The following CNTNAP5 variants were observed in gnomAD, a reference collection of about 807,000 sequenced individuals.
The protein encoded by CNTNAP5 is contactin-associated protein-like 5.
In CNTNAP5, 72 loss-of-function variants were observed where a neutral mutation model predicts 150.2. The observed-to-expected ratio is 0.48, with a 90% confidence interval of 0.40 to 0.58. The LOEUF (loss-of-function observed/expected upper bound fraction) is 0.58, where lower values mean the gene tolerates loss of function less well. CNTNAP5 is among the 20% of genes least tolerant of loss of function. The probability of loss-of-function intolerance (pLI) is 0.00; values close to 1 mark genes in which losing one functional copy is unlikely to be tolerated. For synonymous variants in CNTNAP5, 672 were observed against 619.8 expected (o/e 1.08, Z -1.25); for missense variants, 1,636 against 1,626.2 (o/e 1.01, Z -0.10).
chr2:124,309,153 A>G (rs1226308764), intron 3 of CNTNAP5, among the ~76,000 whole-genome samples: 1 of 152,218 alleles, frequency 6.6e-6, no homozygotes, highest in East Asian at 1.9e-4. Flanking sequence ...TTATGACAAT[A>G]TACTGTAATA....
chr2:124,399,884 C>T (rs1371195637), intron 3 of CNTNAP5, among the ~76,000 whole-genome samples: 1 of 152,136 alleles, frequency 6.6e-6, no homozygotes, highest in Non-Finnish European at 1.5e-5. Context: ...TAGCCTGACA[C>T]TTAAGATTCC....
rs72972524 is a variant in CNTNAP5 at position 124,583,189 on chromosome 2, T to C, written c.1756+19866T>C. Reference sequence around the variant, plus strand: ...ACGACCTACACTCTTCCATTGCTGGTGCTACAGGAGACATCTCTAGGGAGA... The same window carrying C: ...ACGACCTACACTCTTCCATTGCTGGCGCTACAGGAGACATCTCTAGGGAGA... On this transcript the variant is annotated intron_variant, in intron 11 of 23. Coordinates refer to ENST00000682447, the MANE Select transcript of CNTNAP5 (RefSeq NM_001367498.1). 2.4e-3 allele frequency among the ~76,000 whole-genome samples: 371 copies of C among 152,324 alleles called. 1 individual carries two copies. The highest frequency in any genetic ancestry group is 8.5e-3 in the African/African-American group (354 of 41,570).
intron 13 of CNTNAP5, among the ~76,000 whole-genome samples, chr2:124,745,667 G>C (rs1231659433): frequency 6.6e-6 from 1 of 152,144 alleles, no homozygotes; most frequent in Non-Finnish European, 1.5e-5. Flanking sequence ...AGAACACACT[G>C]GTTAACAGAC....
intron 3 of CNTNAP5, among the ~76,000 whole-genome samples, chr2:124,267,827 G>C (rs192052954): frequency 6.6e-6 from 1 of 152,242 alleles, no homozygotes. Context: ...TTTTAAGAAG[G>C]GAAAGTTGAA....
chr2:124,874,991 C>T (rs1573679758), intron 21 of CNTNAP5, among the ~76,000 whole-genome samples: 1 of 152,018 alleles, frequency 6.6e-6, no homozygotes, highest in East Asian at 1.9e-4. Context: ...AGAATTTCTT[C>T]TCAAGATGCA....
intron 10 of CNTNAP5, among the ~76,000 whole-genome samples, chr2:124,530,944 AT>A (rs1340279193): frequency 1.3e-5 from 2 of 152,146 alleles, no homozygotes; most frequent in Non-Finnish European, 2.9e-5. Flanking sequence ...CCTTTTTGGC[AT>A]TCAGGGACTG....
At chr2:124,252,387 T>C (rs1044074898) in intron 3 of CNTNAP5, among the ~76,000 whole-genome samples, 36 of 152,252 alleles carry the variant, frequency 2.4e-4, no homozygotes, top group Non-Finnish European at 4.7e-4. Flanking sequence ...ATGCCAAAGC[T>C]GCAATGCTGG....
chr2:124,351,477 G>A (rs1482709792), intron 3 of CNTNAP5, among the ~76,000 whole-genome samples: 1 of 152,194 alleles, frequency 6.6e-6, no homozygotes, highest in African/African-American at 2.4e-5. Flanking sequence ...TTCATCTGTA[G>A]CCATGGACAA....
intron 1 of CNTNAP5, among the ~76,000 whole-genome samples, chr2:124,138,092 C>T (rs1392979922): frequency 5.9e-5 from 9 of 152,010 alleles, no homozygotes; most frequent in Non-Finnish European, 7.4e-5. Flanking sequence ...GATCCTTTAC[C>T]GATGAGGAAG....
chr2:124,299,038 G>A (rs1558839683), intron 3 of CNTNAP5, among the ~76,000 whole-genome samples: 1 of 152,122 alleles, frequency 6.6e-6, no homozygotes, highest in Non-Finnish European at 1.5e-5. Flanking sequence ...ATTTGAAGGG[G>A]AAGAAAAATG....
In CNTNAP5 at chr2:124,918,953, T is replaced by C. The variant is rs968934671; in HGVS notation, c.*4665T>C. 5.3e-5 allele frequency among the ~76,000 whole-genome samples: 8 copies of C among 152,136 alleles called. No homozygotes were observed. The highest frequency in any genetic ancestry group is 1.9e-4 in the African/African-American group (8 of 41,456). On this transcript the variant is annotated 3_prime_UTR_variant, in exon 24 of 24. Transcript: ENST00000682447. Reference sequence around the variant, plus strand: ...TTTCTTTAAAATACACATAATGTAATTGAATTATTTCTATATACTGTTCTT... The same window carrying C: ...TTTCTTTAAAATACACATAATGTAACTGAATTATTTCTATATACTGTTCTT...
intron 3 of CNTNAP5, among the ~76,000 whole-genome samples, chr2:124,335,555 A>C (rs1349801051): frequency 2.0e-5 from 3 of 150,570 alleles, no homozygotes; most frequent in Non-Finnish European, 4.4e-5. Flanking sequence ...CAATTCTGGG[A>C]GGAAAAGGAT....
intron 10 of CNTNAP5, among the ~76,000 whole-genome samples, chr2:124,543,843 T>C (rs955453888): frequency 2.0e-5 from 3 of 152,088 alleles, no homozygotes; most frequent in Non-Finnish European, 2.9e-5. Context: ...ATATAGAAGA[T>C]ATATATTTTT....
At chr2:124,085,340 C>G (rs1474911273) in intron 1 of CNTNAP5, among the ~76,000 whole-genome samples, 1 of 152,136 alleles carries the variant, frequency 6.6e-6, no homozygotes, top group Non-Finnish European at 1.5e-5. Flanking sequence ...TTATGAGATA[C>G]AGCTGTTTGT....
intron 1 of CNTNAP5, among the ~76,000 whole-genome samples, chr2:124,074,755 C>T (rs1253733181): frequency 6.6e-6 from 1 of 152,078 alleles, no homozygotes; most frequent in African/African-American, 2.4e-5. Flanking sequence ...TTGTGTCTAC[C>T]ATCTCCAGCA....
intron 16 of CNTNAP5, among the ~76,000 whole-genome samples, chr2:124,767,083 G>A (rs1325962131): frequency 6.6e-6 from 1 of 152,170 alleles, no homozygotes; most frequent in Non-Finnish European, 1.5e-5. Flanking sequence ...TAGGCAGATG[G>A]AATTTTTACC....
chr2:124,034,238 C>T (rs1287606179), intron 1 of CNTNAP5, among the ~76,000 whole-genome samples: 1 of 152,152 alleles, frequency 6.6e-6, no homozygotes, highest in Admixed American at 6.6e-5. Context: ...AGTGGCTCTG[C>T]ATAAAATACA....
intron 3 of CNTNAP5, among the ~76,000 whole-genome samples, chr2:124,318,594 A>C (rs535919848): frequency 6.6e-6 from 1 of 152,236 alleles, no homozygotes; most frequent in African/African-American, 2.4e-5. Flanking sequence ...CCAAGGGAAG[A>C]GTTTGAAAAA....
At chr2:124,796,552 G>A (rs952643201) in intron 18 of CNTNAP5, among the ~76,000 whole-genome samples, 24 of 152,226 alleles carry the variant, frequency 1.6e-4, no homozygotes, top group African/African-American at 5.3e-4. Flanking sequence ...TGAACCTTTA[G>A]TAAAAATGAA....
Sources: gnomAD v4.1 joint callset for allele counts (sites outside exome capture counted in the v4.1 genomes callset) on GRCh38, gnomAD v4.1.1 for gene constraint, MANE v1.5 for transcripts, NCBI Gene and HGNC (gene_info 2026-07-23, HGNC 2026-07-21) for gene names.